Variants in IRAG1 observed in about 807,000 individuals in gnomAD.
IRAG1 encodes IP3R-associated cGMP kinase substrate.
IRAG1 carries 62 observed loss-of-function variants against 106.2 expected under a neutral mutation model. That is an observed-to-expected ratio of 0.58 (90% CI 0.48 to 0.72). The LOEUF is 0.72. Ranked by LOEUF, IRAG1 falls within the 30% of genes least tolerant of loss-of-function variation. IRAG1 has a pLI of 0.00. For missense variants in IRAG1, 1,064 were observed against 1,140.7 expected (o/e 0.93, Z 0.97); for synonymous variants, 462 against 443.9 (o/e 1.04, Z -0.51).
intron 2 of IRAG1, among the ~76,000 whole-genome samples, chr11:10,644,097 A>C (rs1406084129): frequency 6.6e-6 from 1 of 152,232 alleles, no homozygotes; most frequent in Admixed American, 6.5e-5. Context: ...TGGAGCATCA[A>C]GCACCTGTTT....
chr11:10,581,399 C>T (rs1851377370), intron 19 of IRAG1, among the ~76,000 whole-genome samples: 1 of 152,068 alleles, frequency 6.6e-6, no homozygotes, highest in African/African-American at 2.4e-5. Flanking sequence ...GCCATGGGTG[C>T]TATTGAAGCT....
At chr11:10,692,002 T>C (rs1319766010) in intron 1 of IRAG1, among the ~76,000 whole-genome samples, 1 of 152,168 alleles carries the variant, frequency 6.6e-6, no homozygotes, top group Non-Finnish European at 1.5e-5. Context: ...GTTCAATACA[T>C]AGTAAGAACC....
chr11:10,656,476 T>G (rs1858935387), intron 1 of IRAG1, among the ~76,000 whole-genome samples: 1 of 152,240 alleles, frequency 6.6e-6, no homozygotes, highest in African/African-American at 2.4e-5. Flanking sequence ...CAGTAATTTG[T>G]GCAACTGAAG....
Position 10,576,198 on chromosome 11 carries a change from T to A in IRAG1, c.*134A>T. The A allele has an allele frequency of 8.8e-7, 1 of 1,142,444 alleles. No homozygotes were observed. The highest frequency in any genetic ancestry group is 1.5e-5 in the South Asian group (1 of 65,764). 70.8% of individuals were successfully genotyped at this position (1,142,444 alleles called of 1,614,324 possible). A position where few individuals can be genotyped will look rare whatever the true frequency, so the allele number is the denominator to read the frequency against. ...GAATAGCTCCCACAGAAGTGCCGAG[T>A]GTTAAAAGAACCCTTCCTCATGACC... is the stretch of plus-strand genomic sequence containing the variant. On this transcript the variant is annotated 3_prime_UTR_variant, in exon 21 of 21. Coordinates refer to ENST00000423302, the MANE Select transcript of IRAG1 (RefSeq NM_130385.4).
chr11:10,686,849 A>T (rs951352350), intron 1 of IRAG1, among the ~76,000 whole-genome samples: 4 of 152,252 alleles, frequency 2.6e-5, no homozygotes, highest in Non-Finnish European at 1.5e-5. Context: ...TGTGCCTGGC[A>T]CATACAAACT....
At chr11:10,604,637 C>A in intron 12 of IRAG1, 92 bp from the exon 13 acceptor site, 12 of 1,491,116 alleles carry the variant, frequency 8.0e-6, no homozygotes, top group Non-Finnish European at 1.1e-5. Flanking sequence ...CGTTTTGCAA[C>A]GGCCCCTGGA....
At chr11:10,640,836 C>T (rs1419954690) in intron 2 of IRAG1, among the ~76,000 whole-genome samples, 2 of 152,208 alleles carry the variant, frequency 1.3e-5, no homozygotes, top group African/African-American at 4.8e-5. Flanking sequence ...GCTGGATAAC[C>T]TTGGGCAAGT....
chr11:10,691,720 T>A (rs955122926), intron 1 of IRAG1, among the ~76,000 whole-genome samples: 3 of 151,892 alleles, frequency 2.0e-5, no homozygotes, highest in Non-Finnish European at 4.4e-5. Context: ...TGAGGGGGCA[T>A]GTGAAATCCC....
At position 10,673,569 on chromosome 11, in the gene IRAG1, T is replaced by C. The variant is rs537263324; in HGVS notation, c.67+19967A>G. Among the ~76,000 whole-genome samples the C allele has an allele frequency of 9.4e-4, 143 of 152,226 alleles. 1 individual carries two copies. The highest frequency in any genetic ancestry group is 3.3e-3 in the African/African-American group (139 of 41,510). On this transcript the variant is annotated intron_variant, in intron 1 of 20. Coordinates refer to ENST00000423302, the MANE Select transcript of IRAG1 (RefSeq NM_130385.4). Reference sequence around the variant, plus strand: ...GATGATAAAAATATTCTGGAATTAGTTAGCCATGATGGCTGCACAACTCTC... The same window carrying C: ...GATGATAAAAATATTCTGGAATTAGCTAGCCATGATGGCTGCACAACTCTC...
intron 10 of IRAG1, among the ~76,000 whole-genome samples, chr11:10,622,406 C>T (rs1855902729): frequency 1.3e-5 from 2 of 152,214 alleles, no homozygotes; most frequent in African/African-American, 4.8e-5. Context: ...TCTCTCTCCA[C>T]TCACCCATGC....
rs1856480038 is a variant in IRAG1, at chr11:10,628,908, C to T, written c.575-80G>A. 5 of 1,368,358 alleles carry T rather than the reference C, an allele frequency of 3.7e-6. No individual in the cohort carries two copies. The Admixed American group carries it at 1.1e-4, about 31-fold the overall frequency. 84.8% of individuals were successfully genotyped at this position (1,368,358 alleles called of 1,614,324 possible). A position where few individuals can be genotyped will look rare whatever the true frequency, so the allele number is the denominator to read the frequency against. On this transcript the variant is annotated intron_variant, in intron 5 of 20. Coordinates refer to ENST00000423302, the MANE Select transcript of IRAG1 (RefSeq NM_130385.4). This position sits in a 1 kb window ranked among gnomAD's most constrained non-coding sequence, Gnocchi z 4.1. ...TGGCAAAGGCATCCTTTTAGGTATT[C>T]CCAGGCCCTGGGAACTGGGTCTGCC...
intron 1 of IRAG1, among the ~76,000 whole-genome samples, chr11:10,654,841 G>C (rs1858796927): frequency 6.6e-6 from 1 of 152,206 alleles, no homozygotes; most frequent in South Asian, 2.1e-4. Flanking sequence ...AAGACAGGAT[G>C]GGGAGAAGCC....
intron 10 of IRAG1, among the ~76,000 whole-genome samples, chr11:10,614,357 C>CA (rs571960945): frequency 2.6e-5 from 4 of 151,998 alleles, no homozygotes; most frequent in Non-Finnish European, 2.9e-5. Context: ...ACCTATAATG[C>CA]AAAAAAACTA....
At chr11:10,586,047 G>T (rs1365232996) in intron 18 of IRAG1, 2 of 151,958 alleles carry the variant, frequency 1.3e-5, no homozygotes, top group Middle Eastern at 3.2e-3. Flanking sequence ...CTTTCACTCT[G>T]CTGAGTGAAG....
chr11:10,581,466 G>T (rs1382678510), intron 19 of IRAG1, among the ~76,000 whole-genome samples: 1 of 152,114 alleles, frequency 6.6e-6, no homozygotes, highest in African/African-American at 2.4e-5. Flanking sequence ...GGAGGAAGGA[G>T]TGACCAAAGC....
rs114785902 is a variant in IRAG1, at chr11:10,603,343, T to G, written c.1744-92A>C. The G allele has an allele frequency of 5.1e-4, 749 of 1,461,770 alleles. 2 individuals carry two copies. In the African/African-American group the frequency reaches 9.1e-3, roughly 18 times the overall value. 90.5% of individuals were successfully genotyped at this position (1,461,770 alleles called of 1,614,324 possible). On this transcript the variant is annotated intron_variant, in intron 13 of 20. Coordinates refer to ENST00000423302, the MANE Select transcript of IRAG1 (RefSeq NM_130385.4). The stretch of plus-strand genomic sequence containing the variant: ...AACCTTTTCGGCCTCAGGGACTGGT[T>G]TGGAAGACAATTTTTCCACAAACCT...
intron 1 of IRAG1, among the ~76,000 whole-genome samples, chr11:10,674,917 C>G (rs1430488877): frequency 6.6e-6 from 1 of 152,220 alleles, no homozygotes; most frequent in Non-Finnish European, 1.5e-5. Context: ...AAGTCACATC[C>G]TAAGATGGGG....
At chr11:10,666,820 C>T (rs2135066061) in intron 1 of IRAG1, among the ~76,000 whole-genome samples, 1 of 152,322 alleles carries the variant, frequency 6.6e-6, no homozygotes, top group African/African-American at 2.4e-5. Context: ...AGTGGGCAGG[C>T]AGGTGAGCAG....
At chr11:10,579,716 A>T (rs187301457) in intron 20 of IRAG1, among the ~76,000 whole-genome samples, 1 of 152,198 alleles carries the variant, frequency 6.6e-6, no homozygotes, top group Non-Finnish European at 1.5e-5. Flanking sequence ...TTCCTATAAT[A>T]CTTCATTGCA....
Sources: gnomAD v4.1 joint callset for allele counts (sites outside exome capture counted in the v4.1 genomes callset) on GRCh38, gnomAD v4.1.1 for gene constraint, Gnocchi (gnomAD v3.1) non-coding constraint, MANE v1.5 for transcripts, NCBI Gene and HGNC (gene_info 2026-07-23, HGNC 2026-07-21) for gene names.